Variants in ZNF334 observed in about 807,000 individuals in gnomAD.
ZNF334 encodes zinc finger protein 334.
ZNF334 carries 14 observed loss-of-function variants against 12.4 expected under a neutral mutation model. The observed-to-expected ratio is 1.13, with a 90% CI of 0.74 to 1.76. The LOEUF is 1.76. Ranked by LOEUF, ZNF334 falls within the 40% of genes most tolerant of loss-of-function variation. ZNF334 has a pLI of 0.00. For missense variants in ZNF334, 797 were observed against 804.5 expected, an observed-to-expected ratio of 0.99 and a Z score of 0.11; for synonymous variants, 273 against 269.6, an observed-to-expected ratio of 1.01 and a Z score of -0.12.
At chr20:46,493,280 T>C in the ZNF334 span, among the ~76,000 whole-genome samples, 12 of 152,202 alleles carry the variant, frequency 7.9e-5, no homozygotes, top group African/African-American at 2.9e-4. Flanking sequence ...CAAACTTTTA[T>C]AGGCTAGATG....
chr20:46,508,239 C>G (rs956257710), intron 2 of ZNF334, among the ~76,000 whole-genome samples: 1 of 152,100 alleles, frequency 6.6e-6, no homozygotes, highest in African/African-American at 2.4e-5. Context: ...AACAAGATTA[C>G]CCAAAAAAAG....
the ZNF334 span, among the ~76,000 whole-genome samples, chr20:46,473,255 T>C: frequency 6.6e-6 from 1 of 152,234 alleles, no homozygotes. Flanking sequence ...TTGTACCTTT[T>C]CTGTTCTAAG....
chr20:46,494,462 T>C, the ZNF334 span, among the ~76,000 whole-genome samples: 16 of 152,352 alleles, frequency 1.1e-4, no homozygotes, highest in African/African-American at 2.6e-4. Flanking sequence ...AAGGTGTATG[T>C]GTATATATAG....
chr20:46,488,778 T>C, the ZNF334 span, among the ~76,000 whole-genome samples: 3 of 151,160 alleles, frequency 2.0e-5, no homozygotes, highest in Admixed American at 1.3e-4. Context: ...GAAAGCCATA[T>C]GCTGGGCATA....
chr20:46,501,702 C>T lies in ZNF334; in HGVS notation c.1637G>A (p.Cys546Tyr), dbSNP rs2061178683. 4 of 1,614,012 alleles carry T rather than the reference C, an allele frequency of 2.5e-6. No individual in the cohort carries two copies. In the African/African-American group the frequency reaches 4.0e-5, roughly 16 times the overall value. The part of the protein sequence containing the change: ...QRTIWERPYE[C>Y]NECGRTYCRK... ...GCAGTAGGTTCTCCCACATTCATTG[C>T]ATTCATATGGTCTCTCCCATATAGT... The change falls in exon 5 of 5, where the codon TGC becomes TAC. Residue 546 changes from cysteine (C) to tyrosine (Y), a missense_variant. By Grantham distance (194) the Cys-to-Tyr change is radical. Transcript: ENST00000692313.
At chr20:46,483,718 C>CTGA in the ZNF334 span, among the ~76,000 whole-genome samples, 1 of 152,148 alleles carries the variant, frequency 6.6e-6, no homozygotes, top group Non-Finnish European at 1.5e-5. Context: ...TTCATCTGTG[C>CTGA]TGATGACATT....
chr20:46,463,093 A>G, the ZNF334 span, among the ~76,000 whole-genome samples: 11 of 152,272 alleles, frequency 7.2e-5, no homozygotes, highest in Middle Eastern at 6.8e-3. Flanking sequence ...CCAAAAATAC[A>G]AAAATTAGCC....
Position 46,504,696 on chromosome 20 carries a change from C to T in ZNF334, c.66G>A (p.Glu22=). 1 of 1,611,894 alleles carries T rather than the reference C, an allele frequency of 6.2e-7. No individual in the cohort carries two copies. The highest frequency in any genetic ancestry group is 8.5e-7 in the Non-Finnish European group (1 of 1,179,084). The change falls in exon 3 of 5, where the codon GAG becomes GAA. Residue 22 remains glutamate (E), a synonymous_variant. Coordinates refer to ENST00000692313, the MANE Select transcript of ZNF334 (RefSeq NM_001353824.2). The stretch of plus-strand genomic sequence containing the variant: ...GAGCAGGGTCCAGTTGCTGCCATTC[C>T]TCTTGGGTGAAGTTCACAGTCAGGT... ...FQDLTVNFTQ[E]EWQQLDPAQR... is the part of the protein sequence containing the mutation.
At position 46,504,242 on chromosome 20, in the gene ZNF334, C is replaced by G. The variant is rs1474544029; in HGVS notation, c.213G>C (p.Val71=). The part of the protein sequence containing the change: ...KLEQGEEPWI[V]EEFSNQNYPD... ...GGTAGTTCTGATTTGAGAATTCCTC[C>G]ACTATCCATGGCTCTTCTCCTTGCT... Residue 71 remains valine, a synonymous_variant, in exon 4 of 5, where the codon GTG becomes GTC. Coordinates refer to ENST00000692313, the MANE Select transcript of ZNF334 (RefSeq NM_001353824.2). 2 of 1,612,540 alleles carry G rather than the reference C, an allele frequency of 1.2e-6. No homozygotes were observed. Among genetic ancestry groups the G allele is most frequent in the African/African-American group, 2.7e-5 (2 of 74,836 alleles).
chr20:46,503,115 A>G lies in ZNF334; in HGVS notation c.242-18T>C. ...ATCAATGTCTAGAAAAAGGAACACA[A>G]TTAACGGTAATTGGTGAGCCTTTAT... On this transcript the variant is annotated intron_variant, in intron 4 of 4. Transcript: ENST00000692313. The G allele has an allele frequency of 6.4e-7, 1 of 1,568,446 alleles. No homozygotes were observed.
chr20:46,480,188 G>T, the ZNF334 span, among the ~76,000 whole-genome samples: 1 of 152,108 alleles, frequency 6.6e-6, no homozygotes, highest in Non-Finnish European at 1.5e-5. Flanking sequence ...CAGAGTTTGG[G>T]TTTTTTGTTC....
rs765437656 is a variant in ZNF334 at position 46,501,245 on chromosome 20, TG to T, written c.*50del. On this transcript the variant is annotated 3_prime_UTR_variant, in exon 5 of 5. Transcript: ENST00000692313. ...TATACATACTCACAGTTTAGCATTG[TG>T]TAAGTTATTTGATTTGTTGCTTTGT... 1 of 1,569,832 alleles carries T rather than the reference TG, an allele frequency of 6.4e-7. No homozygotes were observed. Among genetic ancestry groups the T allele is most frequent in the African/African-American group, 1.4e-5 (1 of 73,494 alleles).
At chr20:46,511,267 A>C (rs1455088877) in intron 2 of ZNF334, among the ~76,000 whole-genome samples, 1 of 152,028 alleles carries the variant, frequency 6.6e-6, no homozygotes, top group Non-Finnish European at 1.5e-5. Context: ...AGAGCTACAA[A>C]GAGAATCATG....
chr20:46,475,282 C>T, the ZNF334 span, among the ~76,000 whole-genome samples: 4 of 152,152 alleles, frequency 2.6e-5, no homozygotes, highest in Admixed American at 1.3e-4. Context: ...CAAACCTTGA[C>T]TTAAACCTCA....
chr20:46,487,712 C>G, the ZNF334 span, among the ~76,000 whole-genome samples: 1 of 152,204 alleles, frequency 6.6e-6, no homozygotes, highest in African/African-American at 2.4e-5. Context: ...CTGATATTAA[C>G]ATAGCTATTC....
At chr20:46,498,283 G>A (rs1254596319), downstream of ZNF334, among the ~76,000 whole-genome samples, 2 of 152,164 alleles carry the variant, frequency 1.3e-5, no homozygotes, top group East Asian at 1.9e-4. Flanking sequence ...GACCAATTAA[G>A]TACAGTGAAA....
chr20:46,504,698 C>G lies in ZNF334; in HGVS notation c.64G>C (p.Glu22Gln). The change falls in exon 3 of 5, where the codon GAG becomes CAG. Residue 22 changes from glutamate (E) to glutamine (Q), a missense_variant. Glu to Gln is a conservative substitution (Grantham distance 29). Coordinates refer to ENST00000692313, the MANE Select transcript of ZNF334 (RefSeq NM_001353824.2). ...GCAGGGTCCAGTTGCTGCCATTCCT[C>G]TTGGGTGAAGTTCACAGTCAGGTCC... ...FQDLTVNFTQ[E>Q]EWQQLDPAQR... The G allele has an allele frequency of 6.2e-7, 1 of 1,612,566 alleles. No individual in the cohort carries two copies. The highest frequency in any genetic ancestry group is 8.5e-7 in the Non-Finnish European group (1 of 1,179,386).
downstream of ZNF334, among the ~76,000 whole-genome samples, chr20:46,495,061 A>G (rs778212854): frequency 2.6e-5 from 4 of 152,238 alleles, no homozygotes; most frequent in Admixed American, 1.3e-4. Flanking sequence ...TTAAAATCAC[A>G]TAACAGTTCT....
At chr20:46,508,265 CTAT>C (rs2061509075) in intron 2 of ZNF334, among the ~76,000 whole-genome samples, 1 of 152,196 alleles carries the variant, frequency 6.6e-6, no homozygotes, top group Admixed American at 6.5e-5. Flanking sequence ...ATGAGTACTA[CTAT>C]GAGCAGGGAT....
Sources: gnomAD v4.1 joint callset for allele counts (sites outside exome capture counted in the v4.1 genomes callset) on GRCh38, gnomAD v4.1.1 for gene constraint, MANE v1.5 for transcripts, NCBI Gene and HGNC (gene_info 2026-07-23, HGNC 2026-07-21) for gene names.